ARHGAP35: variants seen among roughly 807,000 people sequenced by gnomAD.
ARHGAP35 encodes Rho GTPase activating protein 35.
In ARHGAP35, 15 loss-of-function variants were observed where a neutral mutation model predicts 111.1. The observed-to-expected ratio is 0.13, with a 90% CI of 0.09 to 0.21. The LOEUF is 0.21. Among genes scored for constraint, ARHGAP35 ranks in the 10% least tolerant of loss-of-function variants. The pLI is 1.00. For synonymous variants in ARHGAP35, 643 were observed against 710.3 expected, an observed-to-expected ratio of 0.91 and a Z score of 1.51; for missense variants, 1,262 against 1,873.0, an observed-to-expected ratio of 0.67 and a Z score of 6.02.
rs1224136595 is a variant in ARHGAP35, at chr19:46,920,727, C to A, written c.2052C>A (p.Ser684=). 6.2e-7 allele frequency: 1 copy of A among 1,613,202 alleles called. No homozygotes were observed. Among genetic ancestry groups the A allele is most frequent in the South Asian group, 1.1e-5 (1 of 91,010 alleles). ...AAAGTATAGAGAAGAGTAGAGAGTCCACGCTGGGCCGGCGGGATAATCATT... is the reference window on the plus strand; with the variant it reads ...AAAGTATAGAGAAGAGTAGAGAGTCAACGCTGGGCCGGCGGGATAATCATT... ...VVESIEKSRE[S]TLGRRDNHLV... Residue 684 remains serine, a synonymous_variant, in exon 2 of 7, where the codon TCC becomes TCA. Transcript: ENST00000672722. The surrounding 1 kb of genome is among the most constrained non-coding windows in gnomAD (Gnocchi z 7.0).
intron 3 of ARHGAP35, among the ~76,000 whole-genome samples, chr19:46,969,235 C>T (rs1036206192): frequency 2.6e-5 from 4 of 152,204 alleles, no homozygotes; most frequent in African/African-American, 9.7e-5. Context: ...AATGTGCTCA[C>T]AGCCATCGAA....
intron 5 of ARHGAP35, among the ~76,000 whole-genome samples, chr19:46,991,620 T>A (rs1370962830): frequency 6.6e-6 from 1 of 152,186 alleles, no homozygotes; most frequent in Non-Finnish European, 1.5e-5. Context: ...GGGGCTCCGT[T>A]GTCTTGAACC....
intron 1 of ARHGAP35, among the ~76,000 whole-genome samples, chr19:46,867,301 A>G (rs1205082866): frequency 6.6e-6 from 1 of 152,162 alleles, no homozygotes; most frequent in African/African-American, 2.4e-5. Context: ...TGTATTATAG[A>G]TCTGCAGGTA....
intron 3 of ARHGAP35, among the ~76,000 whole-genome samples, chr19:46,939,868 A>G (rs2056334742): frequency 6.6e-6 from 1 of 152,008 alleles, no homozygotes; most frequent in Admixed American, 6.6e-5. Context: ...CAGTTTTCCC[A>G]CTACCTTCCT....
In ARHGAP35 at chr19:46,937,280, C is replaced by G; in HGVS notation, c.3698C>G (p.Pro1233Arg). The change falls in exon 3 of 7, where the codon CCC becomes CGC. Residue 1233 changes from proline to arginine, a missense_variant. Physicochemically the swap from Pro to Arg is moderately radical, Grantham distance 103. This residue lies in a region of ARHGAP35 where 579 missense variants were observed against 716.9 expected (regional missense o/e 0.81). Transcript: ENST00000672722. ...RRNTKKPKPK[P>R]RPSITKATWE... ...CCTGGACAGAAACCAAAGCCCAAAC[C>G]CCGGCCATCCATCACAAAGGCAACC... The G allele has an allele frequency of 6.2e-7, 1 of 1,613,832 alleles. No homozygotes were observed. Among genetic ancestry groups the G allele is most frequent in the Non-Finnish European group, 8.5e-7 (1 of 1,179,764 alleles).
At chr19:46,983,644 C>T (rs1221525222) in intron 3 of ARHGAP35, among the ~76,000 whole-genome samples, 3 of 116,978 alleles carry the variant, frequency 2.6e-5, no homozygotes, top group African/African-American at 3.3e-5. Context: ...GACAGAGTCT[C>T]GCTTTGTCAC....
At position 46,956,485 on chromosome 19, in the gene ARHGAP35, T is replaced by C. The variant is rs565604676; in HGVS notation, c.3826+19077T>C. The stretch of plus-strand genomic sequence containing the variant: ...CCCAGGCTGGAGTGCAATGGCACGG[T>C]CTCAGCTCATTGCAACCTCCGCCTC... On this transcript the variant is annotated intron_variant, in intron 3 of 6. Transcript: ENST00000672722. 5.6e-4 allele frequency among the ~76,000 whole-genome samples: 84 copies of C among 149,442 alleles called. 1 individual carries two copies. Among genetic ancestry groups the C allele is most frequent in the Non-Finnish European group, 1.0e-3 (69 of 67,642 alleles).
chr19:46,870,072 A>C (rs1033517065), intron 1 of ARHGAP35, among the ~76,000 whole-genome samples: 1 of 149,614 alleles, frequency 6.7e-6, no homozygotes, highest in African/African-American at 2.5e-5. Context: ...TCAGCCACCC[A>C]AGTAGCTGGG....
chr19:46,877,897 G>A (rs1000844494), intron 1 of ARHGAP35, among the ~76,000 whole-genome samples: 2 of 151,766 alleles, frequency 1.3e-5, no homozygotes, highest in South Asian at 2.1e-4. Flanking sequence ...TAGTAGAGAC[G>A]GGGTTTCATC....
intron 5 of ARHGAP35, among the ~76,000 whole-genome samples, chr19:46,990,631 A>G (rs1408597995): frequency 6.6e-6 from 1 of 152,214 alleles, no homozygotes; most frequent in Non-Finnish European, 1.5e-5. Flanking sequence ...GCAAGACATT[A>G]GTCTCATCTT....
intron 1 of ARHGAP35, among the ~76,000 whole-genome samples, chr19:46,895,103 A>G (rs139287116): frequency 1.4e-3 from 215 of 152,208 alleles, no homozygotes; most frequent in African/African-American, 4.9e-3. Flanking sequence ...CTTTCTGTGT[A>G]AATAGAAATG....
intron 1 of ARHGAP35, among the ~76,000 whole-genome samples, chr19:46,885,340 T>C (rs911634095): frequency 6.6e-6 from 1 of 152,198 alleles, no homozygotes; most frequent in Non-Finnish European, 1.5e-5. Flanking sequence ...TTACATGTAT[T>C]AACTCAAGGA....
intron 3 of ARHGAP35, among the ~76,000 whole-genome samples, chr19:46,955,366 G>C (rs1020878861): frequency 2.0e-5 from 3 of 152,166 alleles, no homozygotes; most frequent in Non-Finnish European, 4.4e-5. Context: ...TAACAATAAT[G>C]ATGAGGATAG....
rs1448478725 is a variant in ARHGAP35 at position 46,921,136 on chromosome 19, T to G, written c.2461T>G (p.Leu821Val). 10 of 1,614,050 alleles carry G rather than the reference T, an allele frequency of 6.2e-6. No homozygotes were observed. Among genetic ancestry groups the G allele is most frequent in the Non-Finnish European group, 8.5e-6 (10 of 1,179,904 alleles). ...CCATTGTGGAAGCAACAACTCTGTT[T>G]TACTTGAACTACCAATCGGACTGCA... ...SSHCGSNNSVLLELPIGLHKK... is the reference protein window; with the variant it reads ...SSHCGSNNSVVLELPIGLHKK... The change falls in exon 2 of 7, where the codon TTA becomes GTA. Residue 821 changes from leucine to valine, a missense_variant. By Grantham distance (32) the Leu-to-Val change is conservative (BLOSUM62 1). Transcript: ENST00000672722. The surrounding 1 kb of genome is among the most constrained non-coding windows in gnomAD (Gnocchi z 4.3).
Position 46,945,973 on chromosome 19 carries a change from G to T in ARHGAP35, c.3826+8565G>T, listed in dbSNP as rs1045858631. Among the ~76,000 whole-genome samples, 3 of 152,172 alleles carry T rather than the reference G, an allele frequency of 2.0e-5. No homozygotes were observed. The highest frequency in any genetic ancestry group is 7.2e-5 in the African/African-American group (3 of 41,436). On this transcript the variant is annotated intron_variant, in intron 3 of 6. Transcript: ENST00000672722. The surrounding 1 kb of genome is among the most constrained non-coding windows in gnomAD (Gnocchi z 4.1). ...GCTGTAGAGGCCGAGAAGAGGAATT[G>T]TGCCTAGGGAGAAACAGTTTTACTG...
chr19:46,957,786 A>T (rs916931595), intron 3 of ARHGAP35, among the ~76,000 whole-genome samples: 9 of 152,210 alleles, frequency 5.9e-5, no homozygotes, highest in Admixed American at 4.6e-4. Context: ...TGCTTCTCGC[A>T]TTCGTGCAAT....
chr19:46,861,321 C>T (rs1477749914), intron 1 of ARHGAP35, among the ~76,000 whole-genome samples, 112 bp downstream of exon 1: 1 of 149,866 alleles, frequency 6.7e-6, no homozygotes, highest in Non-Finnish European at 1.5e-5. Context: ...AATGGAGGAG[C>T]TGGAGGGGGA....
At chr19:46,899,703 AAAAACAAAAAC>A (rs1446277676) in intron 1 of ARHGAP35, among the ~76,000 whole-genome samples, 1 of 151,396 alleles carries the variant, frequency 6.6e-6, no homozygotes, top group Non-Finnish European at 1.5e-5. Context: ...CTGTACAAAA[AAAAACAAAAAC>A]AAAAACAAAA....
At chr19:46,995,708 C>G (rs1428454307) in intron 5 of ARHGAP35, among the ~76,000 whole-genome samples, 1 of 152,244 alleles carries the variant, frequency 6.6e-6, no homozygotes, top group African/African-American at 2.4e-5. Flanking sequence ...GCTGTCCTGC[C>G]AGCACTTGGG....
Sources: gnomAD v4.1 joint callset for allele counts (sites outside exome capture counted in the v4.1 genomes callset) on GRCh38, gnomAD v4.1.1 for gene constraint, gnomAD v4.1.1 regional missense constraint, Gnocchi (gnomAD v3.1) non-coding constraint, MANE v1.5 for transcripts, NCBI Gene and HGNC (gene_info 2026-07-23, HGNC 2026-07-21) for gene names.